Variants in PCDH15 observed in about 807,000 individuals in gnomAD.
PCDH15 encodes protocadherin-15.
PCDH15 carries 129 observed loss-of-function variants against 178.5 expected under a neutral mutation model. That is an observed-to-expected ratio of 0.72 (90% CI 0.63 to 0.84). The LOEUF is 0.84. PCDH15 is among the 40% of genes least tolerant of loss of function. The pLI is 0.00. For synonymous variants in PCDH15, 800 were observed against 732.0 expected, an observed-to-expected ratio of 1.09 and a Z score of -1.50; for missense variants, 2,230 against 2,099.9, an observed-to-expected ratio of 1.06 and a Z score of -1.21.
chr10:54,020,452 T>C (rs1440624459), intron 19 of PCDH15, 36 bp from the exon 20 acceptor site: 1 of 1,590,130 alleles, frequency 6.3e-7, no homozygotes, highest in African/African-American at 1.3e-5. Flanking sequence ...ATTAGTGACG[T>C]TACCAAAATA....
intron 1 of PCDH15, among the ~76,000 whole-genome samples, chr10:55,195,145 T>C (rs1331627202): frequency 6.6e-6 from 1 of 151,698 alleles, no homozygotes; most frequent in East Asian, 2.0e-4. Flanking sequence ...TGCCTCAGTC[T>C]CCTGAGTAGC....
chr10:54,876,808 G>A (rs1300548722), intron 3 of PCDH15, among the ~76,000 whole-genome samples: 2 of 152,292 alleles, frequency 1.3e-5, no homozygotes, highest in East Asian at 3.9e-4. Context: ...AAGGTGCTGT[G>A]AACATCTTTA....
intron 8 of PCDH15, among the ~76,000 whole-genome samples, chr10:54,242,156 A>T (rs1181263963): frequency 2.0e-5 from 2 of 98,510 alleles, no homozygotes; most frequent in African/African-American, 8.8e-5. Context: ...ATATATATAT[A>T]TATATATATA....
intron 8 of PCDH15, among the ~76,000 whole-genome samples, chr10:54,286,190 A>G (rs1478232949): frequency 6.6e-6 from 1 of 152,218 alleles, no homozygotes; most frequent in Non-Finnish European, 1.5e-5. Flanking sequence ...TACTTAGAAG[A>G]AAGAATTTTG....
chr10:54,108,396 A>G (rs944975558), intron 15 of PCDH15, among the ~76,000 whole-genome samples: 1 of 152,264 alleles, frequency 6.6e-6, no homozygotes, highest in Non-Finnish European at 1.5e-5. Flanking sequence ...AGAAAGCAAA[A>G]CCAGAATGAA....
chr10:54,563,303 A>G (rs1247583300), intron 2 of PCDH15, among the ~76,000 whole-genome samples: 4 of 152,048 alleles, frequency 2.6e-5, no homozygotes, highest in Non-Finnish European at 5.9e-5. Context: ...TTAGCAATCC[A>G]AGGGCCTGGG....
intron 2 of PCDH15, among the ~76,000 whole-genome samples, chr10:55,436,299 T>C (rs935205087): frequency 6.6e-6 from 1 of 152,068 alleles, no homozygotes; most frequent in African/African-American, 2.4e-5. Flanking sequence ...AATACAAGAA[T>C]AAACATACAG....
intron 2 of PCDH15, among the ~76,000 whole-genome samples, chr10:55,061,944 C>T (rs1387588222): frequency 2.6e-5 from 4 of 152,160 alleles, no homozygotes; most frequent in South Asian, 2.1e-4. Flanking sequence ...CACTTGAACC[C>T]GGGATGGGGA....
intron 16 of PCDH15, among the ~76,000 whole-genome samples, chr10:54,085,507 C>T (rs2094501406): frequency 2.0e-5 from 3 of 152,076 alleles, no homozygotes; most frequent in Non-Finnish European, 2.9e-5. Context: ...TAAATGTGTA[C>T]TTATTTGTGG....
intron 9 of PCDH15, among the ~76,000 whole-genome samples, chr10:54,235,097 C>T (rs1280953247): frequency 1.3e-5 from 2 of 152,196 alleles, no homozygotes; most frequent in East Asian, 3.9e-4. Context: ...TCCTCAGCTT[C>T]TGTAAGCCTT....
At chr10:54,227,232 C>T (rs2053556349) in intron 9 of PCDH15, among the ~76,000 whole-genome samples, 1 of 152,246 alleles carries the variant, frequency 6.6e-6, no homozygotes, top group African/African-American at 2.4e-5. Context: ...AAGCAAACTT[C>T]TGCCTTAACA....
At chr10:55,304,888 A>G (rs578088425) in intron 1 of PCDH15, among the ~76,000 whole-genome samples, 2 of 152,226 alleles carry the variant, frequency 1.3e-5, no homozygotes, top group Non-Finnish European at 2.9e-5. Context: ...AAAGAAAACT[A>G]ATATCAATTC....
Position 55,419,851 on chromosome 10 carries a change from G to C in PCDH15, c.-156+207774C>G, listed in dbSNP as rs1838577559. Among the ~76,000 whole-genome samples, 5 of 151,580 alleles carry C rather than the reference G, an allele frequency of 3.3e-5. No homozygotes were observed. In the Admixed American group the frequency reaches 3.3e-4, roughly 10 times the overall value. ...TATAGTGCATTTTATTGGGGGAAAA[G>C]TGCAAAAAAATATGAACAGATAGTA... On this transcript the variant is annotated intron_variant, in intron 2 of 5. Coordinates refer to the PCDH15 transcript ENST00000613346.
chr10:53,900,071 C>T (rs1028670626), intron 26 of PCDH15, among the ~76,000 whole-genome samples: 2 of 152,144 alleles, frequency 1.3e-5, no homozygotes, highest in African/African-American at 4.8e-5. Context: ...CTTCATCCTC[C>T]AGGAAACCTT....
chr10:54,667,041 C>T (rs542619635), intron 1 of PCDH15, among the ~76,000 whole-genome samples: 1 of 151,936 alleles, frequency 6.6e-6, no homozygotes, highest in African/African-American at 2.4e-5. Flanking sequence ...ATGCATATTT[C>T]TGAAAGCATC....
chr10:54,400,524 C>A (rs1389434616), intron 3 of PCDH15, among the ~76,000 whole-genome samples: 2 of 151,914 alleles, frequency 1.3e-5, no homozygotes, highest in Non-Finnish European at 2.9e-5. Flanking sequence ...TTATAAAAGT[C>A]ATCTGTCATT....
intron 18 of PCDH15, 44 bp from the exon 19 acceptor site, chr10:54,023,241 G>T: frequency 6.4e-7 from 1 of 1,561,430 alleles, no homozygotes; most frequent in South Asian, 1.1e-5. Flanking sequence ...CGTAAGTTTT[G>T]ACGGGCTACT....
intron 2 of PCDH15, among the ~76,000 whole-genome samples, chr10:55,428,566 TTATCTATC>T (rs138673311): frequency 2.6e-5 from 4 of 151,690 alleles, no homozygotes; most frequent in South Asian, 2.1e-4. Context: ...ATATCTATAA[TTATCTATC>T]TATCTATCTA....
chr10:54,821,973 T>C (rs1158998958), intron 3 of PCDH15, among the ~76,000 whole-genome samples: 1 of 152,152 alleles, frequency 6.6e-6, no homozygotes, highest in Non-Finnish European at 1.5e-5. Flanking sequence ...TCAGGGGCAC[T>C]GTTAACTTAA....
Sources: allele counts gnomAD v4.1 joint callset (sites outside exome capture counted in the v4.1 genomes callset), GRCh38; gene constraint gnomAD v4.1.1; transcripts MANE v1.5; gene names NCBI Gene and HGNC (gene_info 2026-07-23, HGNC 2026-07-21).